Variants in KL observed in about 807,000 individuals in gnomAD.
The protein encoded by KL is klotho, also known as alpha-klotho.
In KL, 62 loss-of-function variants were observed where a neutral mutation model predicts 84.2. The ratio of observed to expected loss-of-function variants is 0.74; its 90% CI spans 0.60 to 0.91. The LOEUF is 0.91. KL is among the 40% of genes least tolerant of loss of function. The pLI is 0.00. For synonymous variants in KL, 528 were observed against 528.0 expected, an observed-to-expected ratio of 1.00 and a Z score of 0.00; for missense variants, 1,261 against 1,305.7, an observed-to-expected ratio of 0.97 and a Z score of 0.53.
upstream of KL, chr13:33,016,348 GGGTGGGCGCGCCGGC>G (rs1056513949): frequency 3.3e-5 from 5 of 152,170 alleles, no homozygotes; most frequent in Non-Finnish European, 7.3e-5. Flanking sequence ...CGGGGAGCGG[GGGTGGGCGCGCCGGC>G]GGTGGGCGGG....
intron 1 of KL, among the ~76,000 whole-genome samples, chr13:33,044,601 CTGTT>C (rs1327795529): frequency 2.6e-5 from 3 of 113,256 alleles, no homozygotes; most frequent in Non-Finnish European, 5.8e-5. Flanking sequence ...AATTTATTTT[CTGTT>C]TGTTTTCTGT....
chr13:33,063,716 G>A (rs1305740318), intron 4 of KL, 133 bp from the exon 5 acceptor site: 1 of 800,368 alleles, frequency 1.2e-6, no homozygotes, highest in Admixed American at 1.8e-5. Context: ...GGCGGAGGTT[G>A]CAGTGAGTCA....
At chr13:33,038,889 T>C (rs953786663) in intron 1 of KL, among the ~76,000 whole-genome samples, 1 of 152,148 alleles carries the variant, frequency 6.6e-6, no homozygotes, top group Admixed American at 6.5e-5. Flanking sequence ...TTTTCCAAAA[T>C]TGAAAATTCC....
At chr13:33,031,951 C>A (rs1441283246) in intron 1 of KL, among the ~76,000 whole-genome samples, 2 of 151,764 alleles carry the variant, frequency 1.3e-5, no homozygotes, top group African/African-American at 4.8e-5. Context: ...CAGGTAAATT[C>A]ATTGAGAGAC....
At position 33,017,028 on chromosome 13, in the gene KL, GC is replaced by G; in HGVS notation, c.592del (p.Gln198SerfsTer101). 6.3e-7 allele frequency: 1 copy of G among 1,598,096 alleles called. No homozygotes were observed. The highest frequency in any genetic ancestry group is 2.2e-5 in the East Asian group (1 of 44,620). On this transcript the variant is annotated frameshift_variant, in exon 1 of 5. Coordinates refer to ENST00000380099, the MANE Select transcript of KL (RefSeq NM_004795.4). LOFTEE classifies it high-confidence loss of function. ...PVVTLYHWDL[P>X]QRLQDAYGGW... ...TGGTCACCCTGTACCACTGGGACCT[GC>G]CCCAGCGCCTGCAGGACGCCTACGG...
Position 33,026,445 on chromosome 13 carries a change from G to GT in KL, c.819+9187dup, listed in dbSNP as rs1198827502. On this transcript the variant is annotated intron_variant, in intron 1 of 4. Transcript: ENST00000380099. ...TTTCATATTGAATGGGAAGAATGGG[G>GT]TGGGGGGGTCATACCTCTGTGTTAT... Among the ~76,000 whole-genome samples, 12 of 115,336 alleles carry GT rather than the reference G, an allele frequency of 1.0e-4. No individual in the cohort carries two copies. In the East Asian group the frequency reaches 1.7e-3, roughly 16 times the overall value. 75.7% of individuals were successfully genotyped at this position (115,336 alleles called of 152,430 possible).
At chr13:33,043,063 T>G (rs757198102) in intron 1 of KL, among the ~76,000 whole-genome samples, 10 of 152,326 alleles carry the variant, frequency 6.6e-5, no homozygotes, top group Non-Finnish European at 1.2e-4. Flanking sequence ...TCATTTCTCT[T>G]GGTAAATACC....
intron 4 of KL, 43 bp from the exon 5 acceptor site, chr13:33,063,806 C>T: frequency 9.7e-6 from 15 of 1,546,720 alleles, no homozygotes; most frequent in Non-Finnish European, 1.3e-5. Context: ...GTGTTGTGTG[C>T]AAAATACGTA....
At chr13:33,063,816 A>G in intron 4 of KL, 33 bp from the exon 5 acceptor site, 2 of 1,583,376 alleles carry the variant, frequency 1.3e-6, no homozygotes, top group African/African-American at 1.3e-5. Flanking sequence ...CAAAATACGT[A>G]ATAACTACTC....
chr13:33,064,004 T>G lies in KL; in HGVS notation c.2857T>G (p.Phe953Val), dbSNP rs147485115. 1.2e-6 allele frequency: 2 copies of G among 1,614,182 alleles called. No homozygotes were observed. The highest frequency in any genetic ancestry group is 1.7e-6 in the Non-Finnish European group (2 of 1,180,036). Residue 953 changes from phenylalanine to valine, a missense_variant, in exon 5 of 5, where the codon TTC becomes GTC. By Grantham distance (50) the Phe-to-Val change is conservative (BLOSUM62 -1). Transcript: ENST00000380099. ...CAGGAAAATTATTGACAGCAATGGT[T>G]TCCCGGGCCCAGAAACTCTGGAAAG... ...HYRKIIDSNGFPGPETLERFC... is the reference protein window; with the variant it reads ...HYRKIIDSNGVPGPETLERFC...
At chr13:33,016,377 G>C, upstream of KL, 3 of 171,748 alleles carry the variant, frequency 1.7e-5, no homozygotes, top group South Asian at 1.7e-4. Context: ...GGGCGGGCGG[G>C]CGCGGCGGGG....
At chr13:33,041,417 C>T (rs1490557961) in intron 1 of KL, among the ~76,000 whole-genome samples, 1 of 139,576 alleles carries the variant, frequency 7.2e-6, no homozygotes, top group African/African-American at 2.5e-5. Context: ...GCAAAAACTG[C>T]AATTACTTTG....
In KL at chr13:33,060,766, G is replaced by T. The variant is rs1247091110; in HGVS notation, c.1687G>T (p.Val563Phe). The T allele has an allele frequency of 6.2e-7, 1 of 1,614,080 alleles. No individual in the cohort carries two copies. Among genetic ancestry groups the T allele is most frequent in the African/African-American group, 1.3e-5 (1 of 74,922 alleles). ...TAAAAGGCTTATTAAAGTGGATGGG[G>T]TTGTGACCAAGAAGAGGAAATCCTA... ...HSKRLIKVDG[V>F]VTKKRKSYCV... Residue 563 changes from valine to phenylalanine, a missense_variant, in exon 4 of 5, where the codon GTT (valine) becomes TTT (phenylalanine). Coordinates refer to ENST00000380099, the MANE Select transcript of KL (RefSeq NM_004795.4).
At chr13:33,042,528 T>C (rs1871373573) in intron 1 of KL, among the ~76,000 whole-genome samples, 1 of 152,224 alleles carries the variant, frequency 6.6e-6, no homozygotes, top group Non-Finnish European at 1.5e-5. Flanking sequence ...CTTTTTGACA[T>C]TAATCCATAT....
intron 3 of KL, among the ~76,000 whole-genome samples, chr13:33,056,804 T>C (rs1365845865): frequency 1.3e-5 from 2 of 151,744 alleles, no homozygotes; most frequent in Non-Finnish European, 2.9e-5. Context: ...AGAGTCCGTC[T>C]CTTAAAAAAA....
chr13:33,036,503 A>G (rs1446559319), intron 1 of KL, among the ~76,000 whole-genome samples: 1 of 152,020 alleles, frequency 6.6e-6, no homozygotes, highest in Non-Finnish European at 1.5e-5. Context: ...GTCTCTTCCC[A>G]TGTCAGCAAC....
chr13:33,047,365 T>A (rs2138223213), intron 1 of KL, among the ~76,000 whole-genome samples: 1 of 152,156 alleles, frequency 6.6e-6, no homozygotes, highest in African/African-American at 2.4e-5. Context: ...TCTTTTTTTT[T>A]TTTTTGAGAT....
chr13:33,024,413 G>T (rs562497113), intron 1 of KL, among the ~76,000 whole-genome samples: 12 of 152,324 alleles, frequency 7.9e-5, no homozygotes, highest in Non-Finnish European at 1.6e-4. Context: ...GAGGGTTTAG[G>T]GTTGTCTGTG....
chr13:33,032,242 C>A (rs2138202551), intron 1 of KL, among the ~76,000 whole-genome samples: 1 of 152,326 alleles, frequency 6.6e-6, no homozygotes, highest in East Asian at 1.9e-4. Context: ...AAAACACTAA[C>A]CCAGATACAT....
Sources: allele counts gnomAD v4.1 joint callset (sites outside exome capture counted in the v4.1 genomes callset), GRCh38; gene constraint gnomAD v4.1.1; transcripts MANE v1.5; gene names NCBI Gene and HGNC (gene_info 2026-07-23, HGNC 2026-07-21).